The following SYT9 variants were observed in gnomAD, a reference collection of about 807,000 sequenced individuals.
The protein encoded by SYT9 is synaptotagmin-9.
SYT9 carries 22 observed loss-of-function variants against 48.4 expected under a neutral mutation model. The ratio of observed to expected loss-of-function variants is 0.45; its 90% CI spans 0.32 to 0.65. The LOEUF (loss-of-function observed/expected upper bound fraction) is 0.65. SYT9 is among the 30% of genes least tolerant of loss of function. SYT9 has a pLI of 0.03. For missense variants in SYT9, 577 were observed against 622.0 expected (o/e 0.93, Z 0.77); for synonymous variants, 265 against 245.0 (o/e 1.08, Z -0.76).
chr11:7,314,118 G>A (rs1849198081), intron 3 of SYT9, 177 bp downstream of exon 3: 1 of 761,082 alleles, frequency 1.3e-6, no homozygotes, highest in Non-Finnish European at 2.2e-6. Context: ...TATTGATTTT[G>A]AAGTTTCCAA....
intron 3 of SYT9, among the ~76,000 whole-genome samples, chr11:7,364,750 C>T (rs1322139142): frequency 2.0e-5 from 3 of 152,132 alleles, no homozygotes; most frequent in Non-Finnish European, 4.4e-5. Flanking sequence ...TCTAACCTGC[C>T]TGAGCAGAAT....
At chr11:7,287,148 A>G (rs1848611166) in intron 1 of SYT9, among the ~76,000 whole-genome samples, 1 of 152,188 alleles carries the variant, frequency 6.6e-6, no homozygotes, top group South Asian at 2.1e-4. Context: ...AGGGCTGGGG[A>G]GGCCTCAGCA....
chr11:7,338,493 G>A (rs1182030704), intron 3 of SYT9, among the ~76,000 whole-genome samples: 1 of 152,056 alleles, frequency 6.6e-6, no homozygotes, highest in African/African-American at 2.4e-5. Flanking sequence ...TTAGTGCTGT[G>A]TATTTCCCTC....
At chr11:7,388,892 A>G (rs986435822) in intron 3 of SYT9, among the ~76,000 whole-genome samples, 137 of 152,284 alleles carry the variant, frequency 9.0e-4, no homozygotes, top group African/African-American at 3.2e-3. Flanking sequence ...TCATGACATC[A>G]GCTTTGGTCT....
intron 1 of SYT9, among the ~76,000 whole-genome samples, chr11:7,246,706 C>G (rs1847797348): frequency 6.6e-6 from 1 of 152,148 alleles, no homozygotes; most frequent in African/African-American, 2.4e-5. Context: ...AAACAACCAC[C>G]ATTTTATTGC....
chr11:7,265,238 A>G (rs1317195462), intron 1 of SYT9, among the ~76,000 whole-genome samples: 1 of 152,164 alleles, frequency 6.6e-6, no homozygotes, highest in African/African-American at 2.4e-5. Context: ...TTGATTTTAA[A>G]CACATTAAGT....
chr11:7,466,732 A>G (rs1033569700), intron 6 of SYT9, 60 bp from the exon 7 acceptor site: 5 of 1,572,638 alleles, frequency 3.2e-6, no homozygotes, highest in East Asian at 4.5e-5. Flanking sequence ...AAAAAAAAAA[A>G]AAAAGAAAAA....
chr11:7,405,318 A>C (rs1590002519), intron 3 of SYT9, among the ~76,000 whole-genome samples: 1 of 151,952 alleles, frequency 6.6e-6, no homozygotes, highest in African/African-American at 2.4e-5. Flanking sequence ...ACCCTCCTCC[A>C]CAGTTGTGAC....
chr11:7,274,350 C>T (rs1279924759), intron 1 of SYT9, among the ~76,000 whole-genome samples: 1 of 132,324 alleles, frequency 7.6e-6, no homozygotes, highest in Admixed American at 8.1e-5. Flanking sequence ...CAGAGTCTTA[C>T]TCTGTTGCCT....
intron 3 of SYT9, among the ~76,000 whole-genome samples, chr11:7,381,857 T>C (rs1850570725): frequency 6.6e-6 from 1 of 152,208 alleles, no homozygotes. Context: ...AGCTCTAGGA[T>C]ACAAGCAGCT....
intron 3 of SYT9, among the ~76,000 whole-genome samples, chr11:7,401,297 A>G (rs1268851532): frequency 6.6e-6 from 1 of 150,950 alleles, no homozygotes; most frequent in African/African-American, 2.4e-5. Context: ...AAGACATTTC[A>G]TTATATTTTG....
intron 6 of SYT9, among the ~76,000 whole-genome samples, chr11:7,446,055 C>T (rs1053702386): frequency 1.3e-5 from 2 of 152,230 alleles, no homozygotes; most frequent in African/African-American, 4.8e-5. Flanking sequence ...TATGTGGGAG[C>T]CCCAAGCTGG....
At chr11:7,409,272 T>C (rs949424357) in intron 3 of SYT9, among the ~76,000 whole-genome samples, 2 of 152,212 alleles carry the variant, frequency 1.3e-5, no homozygotes, top group Non-Finnish European at 2.9e-5. Flanking sequence ...TGGTATATTA[T>C]CTTTTTGATG....
chr11:7,370,205 C>T (rs1051090799), intron 3 of SYT9, among the ~76,000 whole-genome samples: 4 of 152,130 alleles, frequency 2.6e-5, no homozygotes, highest in Non-Finnish European at 5.9e-5. Context: ...CAGTCTCATC[C>T]AGGTCTCTGC....
intron 6 of SYT9, among the ~76,000 whole-genome samples, chr11:7,429,094 A>C (rs1467050696): frequency 6.6e-6 from 1 of 152,132 alleles, no homozygotes; most frequent in East Asian, 1.9e-4. Flanking sequence ...GGGCACCCAT[A>C]CACCGACAGA....
At chr11:7,330,426 G>A (rs1849506835) in intron 3 of SYT9, among the ~76,000 whole-genome samples, 1 of 152,070 alleles carries the variant, frequency 6.6e-6, no homozygotes. Context: ...CAATATGAGG[G>A]AATTGAGGGG....
At chr11:7,261,475 C>T (rs1376512728) in intron 1 of SYT9, among the ~76,000 whole-genome samples, 1 of 151,912 alleles carries the variant, frequency 6.6e-6, no homozygotes, top group Non-Finnish European at 1.5e-5. Context: ...ATTGTACATA[C>T]AGTAGGGAAT....
Position 7,270,826 on chromosome 11 carries a change from G to A in SYT9, c.145+18495G>A, listed in dbSNP as rs1179877630. 9.5e-5 allele frequency among the ~76,000 whole-genome samples: 8 copies of A among 84,318 alleles called. No individual in the cohort carries two copies. The Admixed American group carries it at 1.3e-3, about 14-fold the overall frequency. 55.3% of individuals were successfully genotyped at this position (84,318 alleles called of 152,430 possible). ...CTGACTTTGATGTTTAGATGCACAA[G>A]ACACAGACACACACACACACACACA... is the stretch of plus-strand genomic sequence containing the variant. On this transcript the variant is annotated intron_variant, in intron 1 of 6. Coordinates refer to ENST00000318881, the MANE Select transcript of SYT9 (RefSeq NM_175733.4).
At chr11:7,380,355 C>T (rs908337564) in intron 3 of SYT9, among the ~76,000 whole-genome samples, 1 of 152,020 alleles carries the variant, frequency 6.6e-6, no homozygotes, top group South Asian at 2.1e-4. Flanking sequence ...TGAATAAGAC[C>T]TACTATTCGA....
Sources: gnomAD v4.1 joint callset for allele counts (sites outside exome capture counted in the v4.1 genomes callset) on GRCh38, gnomAD v4.1.1 for gene constraint, MANE v1.5 for transcripts, NCBI Gene and HGNC (gene_info 2026-07-23, HGNC 2026-07-21) for gene names.